ROR2: variants seen among roughly 807,000 people sequenced by gnomAD.
The protein encoded by ROR2 is tyrosine-protein kinase transmembrane receptor ROR2.
A neutral mutation model predicts 74.9 loss-of-function variants in ROR2; 33 were observed. The ratio of observed to expected loss-of-function variants is 0.44; its 90% CI spans 0.33 to 0.59. ROR2 has a LOEUF of 0.59. Among genes scored for constraint, ROR2 ranks in the 20% least tolerant of loss-of-function variants. The probability of loss-of-function intolerance (pLI) is 0.02; values close to 1 mark genes in which losing one functional copy is unlikely to be tolerated. For missense variants in ROR2, 1,216 were observed against 1,313.8 expected, an observed-to-expected ratio of 0.93 and a Z score of 1.15; for synonymous variants, 586 against 558.7, an observed-to-expected ratio of 1.05 and a Z score of -0.69.
chr9:91,753,338 G>T (rs571637921), intron 4 of ROR2, among the ~76,000 whole-genome samples: 7 of 152,322 alleles, frequency 4.6e-5, no homozygotes, highest in African/African-American at 1.4e-4. Context: ...AGCAATGTGT[G>T]TCCACATGCT....
intron 1 of ROR2, among the ~76,000 whole-genome samples, chr9:91,888,932 T>C (rs1830355887): frequency 6.6e-6 from 1 of 152,158 alleles, no homozygotes. Flanking sequence ...TTCATGTTTA[T>C]GGCTCTTCCA....
intron 1 of ROR2, among the ~76,000 whole-genome samples, chr9:91,868,060 A>T (rs1829694112): frequency 6.6e-6 from 1 of 152,210 alleles, no homozygotes; most frequent in African/African-American, 2.4e-5. Context: ...GATGTCACAG[A>T]TGTTGGAATT....
intron 1 of ROR2, among the ~76,000 whole-genome samples, chr9:91,843,182 C>T (rs529694641): frequency 2.7e-4 from 41 of 152,278 alleles, no homozygotes; most frequent in African/African-American, 9.9e-4. Flanking sequence ...AACACAGTGG[C>T]CTGCGGCCCT....
chr9:91,800,202 G>A (rs1385894448), intron 1 of ROR2, among the ~76,000 whole-genome samples: 1 of 151,962 alleles, frequency 6.6e-6, no homozygotes, highest in African/African-American at 2.4e-5. Context: ...ATTAGCCGGG[G>A]GCGGTGGCAC....
At chr9:91,789,354 A>C (rs1826899296) in intron 1 of ROR2, among the ~76,000 whole-genome samples, 1 of 152,246 alleles carries the variant, frequency 6.6e-6, no homozygotes, top group Non-Finnish European at 1.5e-5. Flanking sequence ...TAGGAATTTT[A>C]TTCACATGAA....
At chr9:91,930,746 A>G (rs1354542279) in intron 1 of ROR2, among the ~76,000 whole-genome samples, 1 of 152,244 alleles carries the variant, frequency 6.6e-6, no homozygotes, top group African/African-American at 2.4e-5. Context: ...CAACACACCT[A>G]TAAGCGGTGT....
chr9:91,923,101 C>T (rs1831314283), intron 1 of ROR2, among the ~76,000 whole-genome samples: 1 of 152,204 alleles, frequency 6.6e-6, no homozygotes, highest in South Asian at 2.1e-4. Context: ...TCAGTGATCA[C>T]CTGGACAGAG....
At chr9:91,921,376 A>C (rs1831257823) in intron 1 of ROR2, among the ~76,000 whole-genome samples, 1 of 152,232 alleles carries the variant, frequency 6.6e-6, no homozygotes, top group Non-Finnish European at 1.5e-5. Flanking sequence ...ACACGTATAC[A>C]CACACTTACA....
chr9:91,807,619 T>A (rs772880341), intron 1 of ROR2, among the ~76,000 whole-genome samples: 34 of 152,252 alleles, frequency 2.2e-4, no homozygotes, highest in Non-Finnish European at 4.7e-4. Context: ...CAGAACTGAA[T>A]CCTCAATGAG....
Position 91,757,398 on chromosome 9 carries a change from T to TC in ROR2, c.336dup (p.Lys113GlufsTer51). 6.2e-7 allele frequency: 1 copy of TC among 1,613,944 alleles called. No homozygotes were observed. Among genetic ancestry groups the TC allele is most frequent in the Non-Finnish European group, 8.5e-7 (1 of 1,180,010 alleles). On this transcript the variant is annotated frameshift_variant, in exon 3 of 9. Transcript: ENST00000375708. LOFTEE classifies it high-confidence loss of function. The stretch of plus-strand genomic sequence containing the variant: ...CGCAGTCGTGAACCATATTCTGTCT[T>TC]CCGGATGATGATCCGCCGCGGCTCC...
chr9:91,895,798 C>T (rs569314961), intron 1 of ROR2, among the ~76,000 whole-genome samples: 1 of 152,280 alleles, frequency 6.6e-6, no homozygotes, highest in African/African-American at 2.4e-5. Context: ...GAGCCGAGAT[C>T]GCGCCACTGC....
intron 1 of ROR2, among the ~76,000 whole-genome samples, chr9:91,891,248 CTTTCT>C (rs1462656714): frequency 3.3e-5 from 4 of 119,784 alleles, no homozygotes; most frequent in African/African-American, 4.0e-5. Context: ...AGGGCTGTTC[CTTTCT>C]TTTTTTTTTT....
At chr9:91,911,528 T>C (rs1830981736) in intron 1 of ROR2, among the ~76,000 whole-genome samples, 2 of 152,186 alleles carry the variant, frequency 1.3e-5, no homozygotes, top group Non-Finnish European at 2.9e-5. Context: ...ACCATACTTT[T>C]AAAATAAGCT....
intron 1 of ROR2, among the ~76,000 whole-genome samples, chr9:91,934,957 T>A (rs944655854): frequency 6.6e-6 from 1 of 152,006 alleles, no homozygotes; most frequent in South Asian, 2.1e-4. Context: ...TTGCAAATGG[T>A]GAAGGAAAAC....
At chr9:91,860,130 C>T (rs939442349) in intron 1 of ROR2, among the ~76,000 whole-genome samples, 1 of 152,212 alleles carries the variant, frequency 6.6e-6, no homozygotes. Context: ...GGCTCGGTTC[C>T]AGGCCCTTCC....
intron 1 of ROR2, among the ~76,000 whole-genome samples, chr9:91,827,539 T>G (rs1828333430): frequency 6.6e-6 from 1 of 152,214 alleles, no homozygotes; most frequent in African/African-American, 2.4e-5. Context: ...CACTTCCATC[T>G]GTAAATCTTT....
At chr9:91,757,610 G>A (rs1265840590) in intron 2 of ROR2, 51 bp from the exon 3 acceptor site, 6 of 1,590,458 alleles carry the variant, frequency 3.8e-6, no homozygotes, top group African/African-American at 1.3e-5. Flanking sequence ...GGGCTGGAAG[G>A]AAGGGCTACC....
intron 1 of ROR2, among the ~76,000 whole-genome samples, chr9:91,792,076 T>A (rs1336891834): frequency 6.6e-6 from 1 of 152,126 alleles, no homozygotes; most frequent in East Asian, 1.9e-4. Flanking sequence ...ACATAAAATT[T>A]AAGGGGCACA....
intron 1 of ROR2, among the ~76,000 whole-genome samples, chr9:91,785,801 G>A (rs1175542319): frequency 1.3e-5 from 2 of 152,166 alleles, no homozygotes; most frequent in African/African-American, 4.8e-5. Flanking sequence ...CTGCTCCACT[G>A]GCTTTGAACC....
Sources: gnomAD v4.1 joint callset for allele counts (sites outside exome capture counted in the v4.1 genomes callset) on GRCh38, gnomAD v4.1.1 for gene constraint, MANE v1.5 for transcripts, NCBI Gene and HGNC (gene_info 2026-07-23, HGNC 2026-07-21) for gene names.